PLA2G4E: variants seen among roughly 807,000 people sequenced by gnomAD.
The protein encoded by PLA2G4E is phospholipase A2 group IVE, also known as cytosolic phospholipase A2 epsilon.
Under a neutral mutation model 109.1 loss-of-function variants are expected in PLA2G4E, and 84 were observed. The observed-to-expected ratio is 0.77, with a 90% CI of 0.65 to 0.92. The LOEUF is 0.92. PLA2G4E is among the 40% of genes least tolerant of loss of function. PLA2G4E has a pLI of 0.00. For missense variants in PLA2G4E, 1,057 were observed against 1,076.6 expected, an observed-to-expected ratio of 0.98 and a Z score of 0.25; for synonymous variants, 469 against 436.1, an observed-to-expected ratio of 1.08 and a Z score of -0.94.
intron 7 of PLA2G4E, among the ~76,000 whole-genome samples, 179 bp downstream of exon 7, chr15:42,000,978 A>G (rs1031412408): frequency 6.6e-6 from 1 of 152,184 alleles, no homozygotes; most frequent in Non-Finnish European, 1.5e-5. Context: ...TTTACAGAGC[A>G]GGATGGGAGG....
chr15:42,040,102 C>G (rs919309859), intron 1 of PLA2G4E, among the ~76,000 whole-genome samples: 1 of 151,938 alleles, frequency 6.6e-6, no homozygotes, highest in Non-Finnish European at 1.5e-5. Flanking sequence ...TTTGGGAGGC[C>G]GAGGTGGAGG....
At chr15:42,019,549 G>A (rs115344757) in intron 1 of PLA2G4E, among the ~76,000 whole-genome samples, 1,996 of 152,300 alleles carry the variant, frequency 0.013, 53 homozygotes, top group African/African-American at 0.045. Context: ...CCAGGCAGGT[G>A]ATGCCACCTC....
At chr15:42,013,954 C>T (rs967476216) in intron 1 of PLA2G4E, among the ~76,000 whole-genome samples, 197 bp from the exon 2 acceptor site, 3 of 137,356 alleles carry the variant, frequency 2.2e-5, no homozygotes, top group Admixed American at 1.6e-4. Flanking sequence ...TGCCATGGCG[C>T]GATCTCGGCT....
chr15:42,025,593 A>G (rs2068687198), intron 1 of PLA2G4E, among the ~76,000 whole-genome samples: 1 of 152,006 alleles, frequency 6.6e-6, no homozygotes, highest in South Asian at 2.1e-4. Flanking sequence ...GACCCATTGT[A>G]TGCAGGCGAA....
intron 1 of PLA2G4E, among the ~76,000 whole-genome samples, chr15:42,047,038 G>A (rs959927539): frequency 1.3e-5 from 2 of 152,250 alleles, no homozygotes; most frequent in African/African-American, 4.8e-5. Flanking sequence ...GAGGGCAGAT[G>A]AGGAGCTATT....
chr15:42,031,983 G>T (rs1348819159), intron 1 of PLA2G4E, among the ~76,000 whole-genome samples: 1 of 152,136 alleles, frequency 6.6e-6, no homozygotes, highest in Admixed American at 6.5e-5. Flanking sequence ...TGAATGGCTT[G>T]GTCCTTCTGG....
intron 1 of PLA2G4E, among the ~76,000 whole-genome samples, chr15:42,019,141 A>G (rs2068624185): frequency 6.6e-6 from 1 of 152,162 alleles, no homozygotes; most frequent in African/African-American, 2.4e-5. Context: ...TTCAGGGCGC[A>G]TGCACTCCAT....
intron 2 of PLA2G4E, among the ~76,000 whole-genome samples, chr15:42,012,499 G>A (rs1005527180): frequency 6.6e-6 from 1 of 152,128 alleles, no homozygotes; most frequent in Admixed American, 6.6e-5. Context: ...TGGATGTCTG[G>A]CTACAGGTCA....
intron 2 of PLA2G4E, among the ~76,000 whole-genome samples, 181 bp downstream of exon 2, chr15:42,013,504 A>G (rs2068558118): frequency 6.6e-6 from 1 of 152,222 alleles, no homozygotes; most frequent in Admixed American, 6.5e-5. Flanking sequence ...TCTGAACTAC[A>G]ACTTGAGTAT....
intron 1 of PLA2G4E, among the ~76,000 whole-genome samples, chr15:42,030,905 C>T (rs1889100619): frequency 6.6e-6 from 1 of 152,344 alleles, no homozygotes; most frequent in African/African-American, 2.4e-5. Flanking sequence ...TGCTGTGTAG[C>T]ATTCCATTGT....
At chr15:42,035,780 G>A (rs1318323446) in intron 1 of PLA2G4E, among the ~76,000 whole-genome samples, 2 of 152,102 alleles carry the variant, frequency 1.3e-5, no homozygotes, top group Non-Finnish European at 2.9e-5. Context: ...GGAGTCATAG[G>A]TATCCATTTT....
intron 16 of PLA2G4E, among the ~76,000 whole-genome samples, chr15:41,987,597 C>G (rs1189088628): frequency 6.6e-6 from 1 of 152,124 alleles, no homozygotes; most frequent in African/African-American, 2.4e-5. Context: ...GGGAGCGAGA[C>G]AGCTAAGAAG....
chr15:42,010,132 G>GGCCCCCCCCCCCCCCCCCCCCCCCCC, intron 2 of PLA2G4E: 1 of 407,100 alleles, frequency 2.5e-6, no homozygotes, highest in Non-Finnish European at 4.8e-6. Context: ...CAGAACACTG[G>GGCCCCCCCCCCCCCCCCCCCCCCCCC]CCCCCCCACC....
intron 13 of PLA2G4E, among the ~76,000 whole-genome samples, chr15:41,990,565 C>T (rs1459067506): frequency 1.3e-5 from 2 of 152,008 alleles, no homozygotes; most frequent in Non-Finnish European, 2.9e-5. Context: ...CCTCTTCTGC[C>T]CCATCGTCTT....
At chr15:41,997,251 G>T in exon 11 of PLA2G4E, 1 of 1,546,880 alleles carries the variant, frequency 6.5e-7, no homozygotes, top group Non-Finnish European at 8.7e-7. Context: ...CACGTCCAGT[G>T]TCTCAGGGCT....
chr15:42,047,987 G>T (rs747359353), intron 1 of PLA2G4E, among the ~76,000 whole-genome samples: 1 of 152,178 alleles, frequency 6.6e-6, no homozygotes. Context: ...CCCCTCCCGG[G>T]CATAGATATG....
intron 11 of PLA2G4E, among the ~76,000 whole-genome samples, chr15:41,996,017 G>A (rs1273022313): frequency 6.6e-6 from 1 of 152,258 alleles, no homozygotes; most frequent in South Asian, 2.1e-4. Context: ...TGCCAGCTCT[G>A]GGTCAGCAGA....
At chr15:42,005,195 G>A (rs1321130930) in intron 4 of PLA2G4E, among the ~76,000 whole-genome samples, 1 of 152,210 alleles carries the variant, frequency 6.6e-6, no homozygotes, top group Non-Finnish European at 1.5e-5. Flanking sequence ...AGGTCAGGGT[G>A]TGGAGCTGAC....
intron 1 of PLA2G4E, among the ~76,000 whole-genome samples, chr15:42,039,511 A>G (rs1889277291): frequency 6.6e-6 from 1 of 150,798 alleles, no homozygotes; most frequent in Non-Finnish European, 1.5e-5. Flanking sequence ...CCAAGTATAC[A>G]TATATACATA....
Sources: allele counts gnomAD v4.1 joint callset (sites outside exome capture counted in the v4.1 genomes callset), GRCh38; gene constraint gnomAD v4.1.1; transcripts MANE v1.5; gene names NCBI Gene and HGNC (gene_info 2026-07-23, HGNC 2026-07-21).